The following FAM131A variants were observed in gnomAD, a reference collection of about 807,000 sequenced individuals.
FAM131A encodes the protein family with sequence similarity 131 member A, also known as protein FAM131A.
In FAM131A, 24 loss-of-function variants were observed where a neutral mutation model predicts 39.2. The observed-to-expected ratio is 0.61, with a 90% CI of 0.44 to 0.86. FAM131A has a LOEUF of 0.86. Ranked by LOEUF, FAM131A falls within the 40% of genes least tolerant of loss-of-function variation. The pLI is 0.00. For synonymous variants in FAM131A, 202 were observed against 206.8 expected (o/e 0.98, Z 0.20); for missense variants, 373 against 481.2 (o/e 0.78, Z 2.10).
upstream of FAM131A, among the ~76,000 whole-genome samples, chr3:184,336,932 G>A (rs1015142334): frequency 2.6e-5 from 4 of 152,212 alleles, no homozygotes; most frequent in Admixed American, 6.5e-5. The surrounding 1 kb of genome is among the most constrained non-coding windows in gnomAD (Gnocchi z 5.5). Flanking sequence ...CCGGTGTGGT[G>A]GATTTCTCCA....
In FAM131A at chr3:184,345,662, G is replaced by A. The variant is rs1727621694; in HGVS notation, c.*692G>A. On this transcript the variant is annotated 3_prime_UTR_variant, in exon 6 of 6. Coordinates refer to ENST00000383847, the MANE Select transcript of FAM131A (RefSeq NM_144635.5). ...GCATGTACCCTCCACCCTTTTCCTG[G>A]CCCCCTAATGGGGCCTGGGCCCTTT... 1.5e-6 allele frequency: 1 copy of A among 677,192 alleles called. No homozygotes were observed. The allele number at this position is 677,192 out of a possible 1,614,324, so 41.9% of individuals were successfully genotyped here.
Position 184,346,197 on chromosome 3 carries a change from G to A in FAM131A, c.*1227G>A, listed in dbSNP as rs1040358309. ...ACGGGCACAAGCATTCTATATATAAGTGGCTCATTAGGTGTTTATTTTGTT... is the reference window on the plus strand; with the variant it reads ...ACGGGCACAAGCATTCTATATATAAATGGCTCATTAGGTGTTTATTTTGTT... On this transcript the variant is annotated 3_prime_UTR_variant, in exon 6 of 6. Coordinates refer to ENST00000383847, the MANE Select transcript of FAM131A (RefSeq NM_144635.5). This position sits in a 1 kb window ranked among gnomAD's most constrained non-coding sequence, Gnocchi z 6.0. The A allele has an allele frequency of 4.3e-6, 1 of 234,984 alleles. No individual in the cohort carries two copies. Among genetic ancestry groups the A allele is most frequent in the Non-Finnish European group, 8.5e-6 (1 of 117,542 alleles). The allele number at this position is 234,984 out of a possible 1,614,324, so 14.6% of individuals were successfully genotyped here. A position where few individuals can be genotyped will look rare whatever the true frequency, so the allele number is the denominator to read the frequency against.
upstream of FAM131A, among the ~76,000 whole-genome samples, chr3:184,336,743 C>CAAAACAGGA (rs1727128712): frequency 6.6e-6 from 1 of 152,174 alleles, no homozygotes; most frequent in Non-Finnish European, 1.5e-5. The surrounding 1 kb of genome is among the most constrained non-coding windows in gnomAD (Gnocchi z 5.5). Context: ...TGTCCTGCCC[C>CAAAACAGGA]CACTCAGCAA....
chr3:184,336,159 G>C (rs1460258904), upstream of FAM131A: 1 of 152,384 alleles, frequency 6.6e-6, no homozygotes, highest in Non-Finnish European at 1.5e-5. The surrounding 1 kb of genome is among the most constrained non-coding windows in gnomAD (Gnocchi z 5.5). Context: ...TTGGGGAGTC[G>C]GGCTGCGGCC....
chr3:184,335,949 G>A (rs944944122), upstream of FAM131A: 1 of 152,256 alleles, frequency 6.6e-6, no homozygotes, highest in Non-Finnish European at 1.5e-5. Flanking sequence ...TTCCCTCTCC[G>A]GGGAGCGGCG....
intron 1 of FAM131A, 139 bp downstream of exon 1, chr3:184,337,857 C>T (rs760431357): frequency 3.8e-6 from 3 of 785,850 alleles, no homozygotes; most frequent in Non-Finnish European, 6.0e-6. Context: ...TGGGGCCAGA[C>T]AGGGCATCAG....
In FAM131A at chr3:184,345,328, G is replaced by A; in HGVS notation, c.*358G>A. 1 of 596,268 alleles carries A rather than the reference G, an allele frequency of 1.7e-6. No individual in the cohort carries two copies. The highest frequency in any genetic ancestry group is 2.0e-5 in the South Asian group (1 of 48,890). The allele number at this position is 596,268 out of a possible 1,614,324, so 36.9% of individuals were successfully genotyped here. A position where few individuals can be genotyped will look rare whatever the true frequency, so the allele number is the denominator to read the frequency against. On this transcript the variant is annotated 3_prime_UTR_variant, in exon 6 of 6. Coordinates refer to ENST00000383847, the MANE Select transcript of FAM131A (RefSeq NM_144635.5). ...GGTTGTGACTGGGCTGTGTGAGGGT[G>A]GGGTGGGAGGGGGCCCAGCAACCCC...
chr3:184,342,963 G>A lies in FAM131A; in HGVS notation c.625+103G>A, dbSNP rs1727451817. On this transcript the variant is annotated intron_variant, in intron 5 of 5. Transcript: ENST00000383847. This position sits in a 1 kb window ranked among gnomAD's most constrained non-coding sequence, Gnocchi z 4.6. ...CACTCTCAGCCTTTGCAAGGGGAGG[G>A]AGAGGGACAGACTCAGTCCAGGCAG... 1 of 997,008 alleles carries A rather than the reference G, an allele frequency of 1.0e-6. No individual in the cohort carries two copies. Among genetic ancestry groups the A allele is most frequent in the African/African-American group, 1.6e-5 (1 of 63,310 alleles). 61.8% of individuals were successfully genotyped at this position (997,008 alleles called of 1,614,324 possible). A position where few individuals can be genotyped will look rare whatever the true frequency, so the allele number is the denominator to read the frequency against.
rs1421022270 is a variant in FAM131A at position 184,342,715 on chromosome 3, T to C, written c.509-29T>C. On this transcript the variant is annotated intron_variant, in intron 4 of 5. Transcript: ENST00000383847. This position sits in a 1 kb window ranked among gnomAD's most constrained non-coding sequence, Gnocchi z 4.6. ...TGAGCCCTAGACTTAGCTCACCTTCTCTGCTTATGCATTCTGTCCCTGCGA... is the reference window on the plus strand; with the variant it reads ...TGAGCCCTAGACTTAGCTCACCTTCCCTGCTTATGCATTCTGTCCCTGCGA... 6 of 1,592,682 alleles carry C rather than the reference T, an allele frequency of 3.8e-6. No individual in the cohort carries two copies. The South Asian group carries it at 6.6e-5, about 18-fold the overall frequency.
Position 184,345,091 on chromosome 3 carries a change from C to T in FAM131A, c.*121C>T, listed in dbSNP as rs534866278. The T allele has an allele frequency of 5.2e-5, 49 of 943,652 alleles. 1 individual carries two copies. The East Asian group carries it at 6.7e-4, about 13-fold the overall frequency. The allele number at this position is 943,652 out of a possible 1,614,324, so 58.5% of individuals were successfully genotyped here. A position where few individuals can be genotyped will look rare whatever the true frequency, so the allele number is the denominator to read the frequency against. ...CCACAGCCTAGAGGGCTCCTGGGAG[C>T]GCTCGCTTCTCCGTTGTGTGTTTTG... is the stretch of plus-strand genomic sequence containing the variant. On this transcript the variant is annotated 3_prime_UTR_variant, in exon 6 of 6. Transcript: ENST00000383847.
At position 184,342,849 on chromosome 3, in the gene FAM131A, G is replaced by A; in HGVS notation, c.614G>A (p.Gly205Glu). The stretch of plus-strand genomic sequence containing the variant: ...TCCTATGATGAGGACTTTGCTGGGG[G>A]AATGGACACAGGTGAGGGACATCCT... ...DDSYDEDFAG[G>E]MDTDMAGQLP... The change falls in exon 5 of 6, where the codon GGA (glycine) becomes GAA (glutamate). Residue 205 changes from glycine to glutamate, a missense_variant. Physicochemically the swap from Gly to Glu is moderately conservative, Grantham distance 98 (BLOSUM62 -2). Transcript: ENST00000383847. This position sits in a 1 kb window ranked among gnomAD's most constrained non-coding sequence, Gnocchi z 4.6. The A allele has an allele frequency of 1.2e-6, 2 of 1,612,898 alleles. No homozygotes were observed. The highest frequency in any genetic ancestry group is 3.3e-4 in the Middle Eastern group (2 of 6,056).
rs1241489480 is a variant in FAM131A at position 184,345,240 on chromosome 3, AT to A, written c.*271del. Reference sequence around the variant, plus strand: ...ATGGCTACAGCTGTGGCAGACAGTGATGTTCATGTTCTTAAAATGCCACACA... The same window carrying A: ...ATGGCTACAGCTGTGGCAGACAGTGAGTTCATGTTCTTAAAATGCCACACA... On this transcript the variant is annotated 3_prime_UTR_variant, in exon 6 of 6. Transcript: ENST00000383847. 5.5e-6 allele frequency: 3 copies of A among 541,176 alleles called. No individual in the cohort carries two copies. The African/African-American group carries it at 6.0e-5, about 11-fold the overall frequency. The allele number at this position is 541,176 out of a possible 1,614,324, so 33.5% of individuals were successfully genotyped here.
Position 184,342,931 on chromosome 3 carries a change from T to G in FAM131A, c.625+71T>G. The stretch of plus-strand genomic sequence containing the variant: ...ACCTTGGCATTCTTTCAGAGCCACA[T>G]CCAGAACACTCTCAGCCTTTGCAAG... On this transcript the variant is annotated intron_variant, in intron 5 of 5. Transcript: ENST00000383847. This position sits in a 1 kb window ranked among gnomAD's most constrained non-coding sequence, Gnocchi z 4.6. 1 of 1,314,498 alleles carries G rather than the reference T, an allele frequency of 7.6e-7. No individual in the cohort carries two copies. Among genetic ancestry groups the G allele is most frequent in the Non-Finnish European group, 1.1e-6 (1 of 913,526 alleles). 81.4% of individuals were successfully genotyped at this position (1,314,498 alleles called of 1,614,324 possible). A position where few individuals can be genotyped will look rare whatever the true frequency, so the allele number is the denominator to read the frequency against.
At chr3:184,337,137 G>GCT (rs1727153477), upstream of FAM131A, 1 of 153,254 alleles carries the variant, frequency 6.5e-6, no homozygotes, top group African/African-American at 2.4e-5. Context: ...CTGAGGAGCA[G>GCT]CTGACTGCTC....
chr3:184,341,380 G>A (rs1054354392), intron 2 of FAM131A: 23 of 334,072 alleles, frequency 6.9e-5, no homozygotes, highest in African/African-American at 4.7e-4. Flanking sequence ...AGAAGTCCTG[G>A]ATGCCACACT....
intron 1 of FAM131A, 55 bp downstream of exon 1, chr3:184,337,773 G>A: frequency 6.7e-7 from 1 of 1,495,928 alleles, no homozygotes; most frequent in Non-Finnish European, 9.0e-7. Flanking sequence ...CTGAGCAGTA[G>A]GGTGCTTAGG....
In FAM131A at chr3:184,345,017, G is replaced by A. The variant is rs1198239465; in HGVS notation, c.*47G>A. 1 of 1,454,304 alleles carries A rather than the reference G, an allele frequency of 6.9e-7. No individual in the cohort carries two copies. The allele number at this position is 1,454,304 out of a possible 1,614,324, so 90.1% of individuals were successfully genotyped here. On this transcript the variant is annotated 3_prime_UTR_variant, in exon 6 of 6. Transcript: ENST00000383847. ...GCATGCATCCCCCGGCTGCTGCCAG[G>A]GGCAGAGCCTCTGTGCCCAAGTGTG...
In FAM131A at chr3:184,342,348, C is replaced by T. The variant is rs1244624115; in HGVS notation, c.508+100C>T. The T allele has an allele frequency of 5.0e-6, 7 of 1,392,750 alleles. No individual in the cohort carries two copies. Among genetic ancestry groups the T allele is most frequent in the Non-Finnish European group, 5.7e-6 (6 of 1,054,264 alleles). The allele number at this position is 1,392,750 out of a possible 1,614,324, so 86.3% of individuals were successfully genotyped here. A position where few individuals can be genotyped will look rare whatever the true frequency, so the allele number is the denominator to read the frequency against. The stretch of plus-strand genomic sequence containing the variant: ...TTTGAGACGGAGTCTCACTCTGTCG[C>T]CCAGGCTGGAGTGCAGTGATGCAAT... On this transcript the variant is annotated intron_variant, in intron 4 of 5. Coordinates refer to ENST00000383847, the MANE Select transcript of FAM131A (RefSeq NM_144635.5). The surrounding 1 kb of genome is among the most constrained non-coding windows in gnomAD (Gnocchi z 4.6).
At chr3:184,336,299 C>T (rs1416741222), upstream of FAM131A, among the ~76,000 whole-genome samples, 1 of 152,156 alleles carries the variant, frequency 6.6e-6, no homozygotes, top group Non-Finnish European at 1.5e-5. This position sits in a 1 kb window ranked among gnomAD's most constrained non-coding sequence, Gnocchi z 5.5. Context: ...GGGGCCAGAC[C>T]GACTCCGGTT....
Sources: allele counts gnomAD v4.1 joint callset (sites outside exome capture counted in the v4.1 genomes callset), GRCh38; gene constraint gnomAD v4.1.1; non-coding constraint Gnocchi (gnomAD v3.1); transcripts MANE v1.5; gene names NCBI Gene and HGNC (gene_info 2026-07-23, HGNC 2026-07-21).